OLFML2B: variants seen among roughly 807,000 people sequenced by gnomAD.
The protein encoded by OLFML2B is olfactomedin like 2B.
A neutral mutation model predicts 74.9 loss-of-function variants in OLFML2B; 57 were observed. The observed-to-expected ratio is 0.76, with a 90% CI of 0.61 to 0.95. The LOEUF (loss-of-function observed/expected upper bound fraction) is 0.95, where lower values mean the gene tolerates loss of function less well. OLFML2B is among the 40% of genes least tolerant of loss of function. The probability of loss-of-function intolerance (pLI) is 0.00; values close to 1 mark genes in which losing one functional copy is unlikely to be tolerated. For missense variants in OLFML2B, 986 were observed against 970.6 expected (o/e 1.02, Z -0.21); for synonymous variants, 388 against 405.8 (o/e 0.96, Z 0.53).
chr1:162,023,538 T>G lies in OLFML2B; in HGVS notation c.-108A>C. 1 of 1,161,022 alleles carries G rather than the reference T, an allele frequency of 8.6e-7. No individual in the cohort carries two copies. The highest frequency in any genetic ancestry group is 1.2e-6 in the Non-Finnish European group (1 of 869,434). 71.9% of individuals were successfully genotyped at this position (1,161,022 alleles called of 1,614,324 possible). ...GTCCTCGCTAGAGCCCGAAAGTGGCTGCTGAGAGCACCTTCTAAAGCTGGG... is the reference window on the plus strand; with the variant it reads ...GTCCTCGCTAGAGCCCGAAAGTGGCGGCTGAGAGCACCTTCTAAAGCTGGG... On this transcript the variant is annotated 5_prime_UTR_variant, in exon 1 of 8. Transcript: ENST00000294794.
chr1:161,997,981 TG>T lies in OLFML2B; in HGVS notation c.1317del (p.Arg440GlyfsTer4), dbSNP rs1689963719. 2 of 1,614,090 alleles carry T rather than the reference TG, an allele frequency of 1.2e-6. No homozygotes were observed. Among genetic ancestry groups the T allele is most frequent in the Admixed American group, 3.3e-5 (2 of 60,012 alleles). On this transcript the variant is annotated frameshift_variant, in exon 6 of 8. Transcript: ENST00000294794. LOFTEE classifies it high-confidence loss of function. Reference sequence around the variant, plus strand: ...TGCATAGCTTCCATCAATGCCTCCCTGGGAGACACTGCCGGAGGAGCTGGGG... The same window carrying T: ...TGCATAGCTTCCATCAATGCCTCCCTGGAGACACTGCCGGAGGAGCTGGGG... ...PAAPAPPAVS[P>X]REALMEAMHT...
Position 162,023,374 on chromosome 1 carries a change from C to A in OLFML2B, c.57G>T (p.Trp19Cys). ...TCCCTGTGAGGACAATGCTGGACAC[C>A]CAGGCCGGAACCACAATCAGAGCGA... is the stretch of plus-strand genomic sequence containing the variant. Reference protein sequence around the residue: ...LYFALIVVPAWVSSIVLTGTS... With the variant: ...LYFALIVVPACVSSIVLTGTS... Residue 19 changes from tryptophan (W) to cysteine (C), a missense_variant, in exon 1 of 8, where the codon TGG (tryptophan) becomes TGT (cysteine). Coordinates refer to ENST00000294794, the MANE Select transcript of OLFML2B (RefSeq NM_015441.3). 6.2e-7 allele frequency: 1 copy of A among 1,604,600 alleles called. No individual in the cohort carries two copies. The highest frequency in any genetic ancestry group is 1.1e-5 in the South Asian group (1 of 90,262).
chr1:162,006,130 G>T (rs879731955), intron 4 of OLFML2B, among the ~76,000 whole-genome samples, 167 bp downstream of exon 4: 8 of 152,132 alleles, frequency 5.3e-5, no homozygotes, highest in Non-Finnish European at 7.4e-5. Flanking sequence ...AAGTAAAATG[G>T]AGTCAACTGC....
chr1:162,006,210 A>C, intron 4 of OLFML2B, 87 bp downstream of exon 4: 1 of 1,290,958 alleles, frequency 7.7e-7, no homozygotes, highest in Non-Finnish European at 1.0e-6. Flanking sequence ...AAAGGACTGA[A>C]GCCTGAAAAG....
chr1:161,997,709 C>T (rs1558057797), intron 6 of OLFML2B, 116 bp downstream of exon 6: 1 of 1,106,482 alleles, frequency 9.0e-7, no homozygotes, highest in Non-Finnish European at 1.3e-6. Context: ...ACTCCACTTG[C>T]CATTCCCATA....
chr1:162,018,334 TCTGTTTCCCCAAGATAG>T (rs1247800018), intron 2 of OLFML2B, among the ~76,000 whole-genome samples: 1 of 152,192 alleles, frequency 6.6e-6, no homozygotes, highest in African/African-American at 2.4e-5. Context: ...ATCCTTCATC[TCTGTTTCCCCAAGATAG>T]CTGGCTCATA....
intron 2 of OLFML2B, among the ~76,000 whole-genome samples, chr1:162,018,922 C>A (rs1690622581): frequency 6.6e-6 from 1 of 152,238 alleles, no homozygotes; most frequent in South Asian, 2.1e-4. Context: ...TTCCTGATTT[C>A]TAATAGACAT....
In OLFML2B at chr1:162,006,475, T is replaced by C. The variant is rs749656543; in HGVS notation, c.547-2A>G. On this transcript the variant is annotated splice_acceptor_variant, in intron 3 of 7. Coordinates refer to ENST00000294794, the MANE Select transcript of OLFML2B (RefSeq NM_015441.3). LOFTEE classifies it high-confidence loss of function. Reference sequence around the variant, plus strand: ...CTTGGTGAGGTTTTTAGACACTTCCTGAGAAGGAAAAAAAAAAGATGATCC... The same window carrying C: ...CTTGGTGAGGTTTTTAGACACTTCCCGAGAAGGAAAAAAAAAAGATGATCC... The C allele has an allele frequency of 8.3e-6, 12 of 1,448,240 alleles. No individual in the cohort carries two copies. The highest frequency in any genetic ancestry group is 2.0e-5 in the African/African-American group (1 of 49,822). The allele number at this position is 1,448,240 out of a possible 1,614,324, so 89.7% of individuals were successfully genotyped here.
At chr1:161,995,228 C>T (rs1414423740) in intron 6 of OLFML2B, among the ~76,000 whole-genome samples, 1 of 82,012 alleles carries the variant, frequency 1.2e-5, no homozygotes, top group East Asian at 3.5e-4. Context: ...ACAGCCAAAG[C>T]TTTCTTCTCT....
intron 2 of OLFML2B, among the ~76,000 whole-genome samples, chr1:162,017,763 T>C (rs1038153315): frequency 5.9e-5 from 9 of 152,224 alleles, no homozygotes; most frequent in South Asian, 2.1e-4. Context: ...TCTAGACCTC[T>C]TCACAAACTG....
In OLFML2B at chr1:162,000,244, A is replaced by G. The variant is rs1444226267; in HGVS notation, c.818T>C (p.Val273Ala). 5 of 1,613,800 alleles carry G rather than the reference A, an allele frequency of 3.1e-6. No individual in the cohort carries two copies. The highest frequency in any genetic ancestry group is 1.7e-4 in the Middle Eastern group (1 of 5,826). The change falls in exon 5 of 8, where the codon GTG (valine) becomes GCG (alanine). Residue 273 changes from valine to alanine, a missense_variant. Physicochemically the swap from Val to Ala is moderately conservative, Grantham distance 64 (BLOSUM62 0). Coordinates refer to ENST00000294794, the MANE Select transcript of OLFML2B (RefSeq NM_015441.3). ...QTRPLALPEV[V>A]KSQRPLQRQV... ...CCTCTGCAGGGGCCGCTGTGACTTCACCACCTCAGGCAGAGCCAGGGGTCG... is the reference window on the plus strand; with the variant it reads ...CCTCTGCAGGGGCCGCTGTGACTTCGCCACCTCAGGCAGAGCCAGGGGTCG...
chr1:161,983,642 C>T lies in OLFML2B; in HGVS notation c.*33G>A. The T allele has an allele frequency of 6.3e-7, 1 of 1,579,674 alleles. No individual in the cohort carries two copies. Among genetic ancestry groups the T allele is most frequent in the African/African-American group, 1.3e-5 (1 of 74,508 alleles). On this transcript the variant is annotated 3_prime_UTR_variant, in exon 8 of 8. Transcript: ENST00000294794. ...CACATACACACAAGGTGCTAGTGAC[C>T]CCTCTGTGCTTCTGCTTGTGGGGAC...
At chr1:162,018,582 C>T (rs1041269371) in intron 2 of OLFML2B, among the ~76,000 whole-genome samples, 1 of 152,208 alleles carries the variant, frequency 6.6e-6, no homozygotes, top group Non-Finnish European at 1.5e-5. Flanking sequence ...ACAGTGCACC[C>T]AGCCTTCTCA....
intron 3 of OLFML2B, 66 bp from the exon 4 acceptor site, chr1:162,006,539 G>T: frequency 7.9e-7 from 1 of 1,259,224 alleles, no homozygotes; most frequent in Non-Finnish European, 1.1e-6. Flanking sequence ...GCAGCTAGCA[G>T]CCATCTTCGC....
At chr1:162,012,807 G>T (rs1690428720) in intron 3 of OLFML2B, among the ~76,000 whole-genome samples, 1 of 152,108 alleles carries the variant, frequency 6.6e-6, no homozygotes, top group African/African-American at 2.4e-5. Context: ...CAAGGTGGGG[G>T]TGGGACATTT....
At chr1:162,014,573 A>C (rs1487403534) in intron 3 of OLFML2B, among the ~76,000 whole-genome samples, 1 of 152,246 alleles carries the variant, frequency 6.6e-6, no homozygotes, top group African/African-American at 2.4e-5. Flanking sequence ...AGCAGAATTT[A>C]ACTTCCATTC....
chr1:162,002,739 CCT>C (rs1690115682), intron 4 of OLFML2B, among the ~76,000 whole-genome samples: 1 of 152,198 alleles, frequency 6.6e-6, no homozygotes, highest in Admixed American at 6.5e-5. Context: ...GCCAGCCTCC[CCT>C]GTCTGCCCAG....
chr1:161,987,887 C>A (rs1257728602), intron 6 of OLFML2B, among the ~76,000 whole-genome samples: 1 of 152,152 alleles, frequency 6.6e-6, no homozygotes, highest in Non-Finnish European at 1.5e-5. Context: ...AGGACAAATG[C>A]AAATGATTTC....
intron 4 of OLFML2B, among the ~76,000 whole-genome samples, chr1:162,003,705 C>T (rs1357864167): frequency 6.6e-6 from 1 of 152,204 alleles, no homozygotes; most frequent in Non-Finnish European, 1.5e-5. Flanking sequence ...CATGCCAACC[C>T]CTCAGGCAAG....
Sources: allele counts gnomAD v4.1 joint callset (sites outside exome capture counted in the v4.1 genomes callset), GRCh38; gene constraint gnomAD v4.1.1; transcripts MANE v1.5; gene names NCBI Gene and HGNC (gene_info 2026-07-23, HGNC 2026-07-21).